ADARB2: variants seen among roughly 807,000 people sequenced by gnomAD.
The protein encoded by ADARB2 is adenosine deaminase RNA specific B2 (inactive).
ADARB2 carries 25 observed loss-of-function variants against 62.2 expected under a neutral mutation model. The observed-to-expected ratio is 0.40, with a 90% CI of 0.29 to 0.56. ADARB2 has a LOEUF of 0.56. Among genes scored for constraint, ADARB2 ranks in the 20% least tolerant of loss-of-function variants. The pLI is 0.43. For synonymous variants in ADARB2, 572 were observed against 500.8 expected (o/e 1.14, Z -1.90); for missense variants, 1,071 against 1,077.4 (o/e 0.99, Z 0.08).
intron 3 of ADARB2, among the ~76,000 whole-genome samples, chr10:1,360,722 C>T (rs1326233231): frequency 1.3e-5 from 2 of 152,186 alleles, no homozygotes; most frequent in Non-Finnish European, 2.9e-5. Flanking sequence ...ATGAATGGCC[C>T]GAAACCCTCG....
At position 1,658,359 on chromosome 10, in the gene ADARB2, CTG is replaced by C. The variant is rs560503127; in HGVS notation, c.100+78690_100+78691del. 2.6e-3 allele frequency among the ~76,000 whole-genome samples: 395 copies of C among 151,416 alleles called. 1 individual carries two copies. Among genetic ancestry groups the C allele is most frequent in the Non-Finnish European group, 3.4e-3 (232 of 67,880 alleles). On this transcript the variant is annotated intron_variant, in intron 1 of 9. Transcript: ENST00000381312. ...TCTCTATCTGATTCTCTGATTCTCT[CTG>C]TTTTTCTCTGTCTCTCTGTGTATCT...
intron 1 of ADARB2, among the ~76,000 whole-genome samples, chr10:1,518,201 G>T (rs1832030496): frequency 6.6e-6 from 1 of 152,206 alleles, no homozygotes; most frequent in South Asian, 2.1e-4. Context: ...TTGGCCGCAT[G>T]AGCTTCGGTC....
At chr10:1,334,368 G>A (rs1246516761) in intron 3 of ADARB2, among the ~76,000 whole-genome samples, 1 of 152,240 alleles carries the variant, frequency 6.6e-6, no homozygotes, top group African/African-American at 2.4e-5. Context: ...GTCTAAAGCT[G>A]TCATTGTGAG....
intron 1 of ADARB2, among the ~76,000 whole-genome samples, chr10:1,388,615 T>C (rs1832543429): frequency 6.6e-6 from 1 of 151,934 alleles, no homozygotes; most frequent in Admixed American, 6.6e-5. Context: ...CAATACTGTT[T>C]GGACAAAAAG....
At chr10:1,233,944 C>G (rs920518145) in intron 5 of ADARB2, 99 bp from the exon 6 acceptor site, 3 of 1,156,326 alleles carry the variant, frequency 2.6e-6, no homozygotes, top group African/African-American at 1.6e-5. Context: ...AGTTGTTCCC[C>G]AAGTTTTCCT....
intron 1 of ADARB2, among the ~76,000 whole-genome samples, chr10:1,683,642 G>A (rs113935107): frequency 5.3e-5 from 8 of 152,298 alleles, no homozygotes; most frequent in East Asian, 1.9e-4. Context: ...GGTAACTGTC[G>A]CCGAGTCAGA....
intron 3 of ADARB2, among the ~76,000 whole-genome samples, chr10:1,351,769 G>A (rs1034563625): frequency 1.1e-4 from 17 of 151,938 alleles, no homozygotes; most frequent in African/African-American, 3.6e-4. Flanking sequence ...GTTATCACTC[G>A]CCTGCTACAG....
chr10:1,563,793 A>C lies in ADARB2; in HGVS notation c.100+173258T>G, dbSNP rs1451220437. Among the ~76,000 whole-genome samples the C allele has an allele frequency of 2.7e-4, 25 of 92,328 alleles. No individual in the cohort carries two copies. The East Asian group carries it at 8.0e-3, about 29-fold the overall frequency. The allele number at this position is 92,328 out of a possible 152,430, so 60.6% of individuals were successfully genotyped here. A position where few individuals can be genotyped will look rare whatever the true frequency, so the allele number is the denominator to read the frequency against. The stretch of plus-strand genomic sequence containing the variant: ...TATCCCTCCCCCCTCCCCCCACCCC[A>C]CAACAGTCCTCAGAGTGTGATGTTC... On this transcript the variant is annotated intron_variant, in intron 1 of 9. Transcript: ENST00000381312.
At chr10:1,304,413 C>T (rs1396879384) in intron 3 of ADARB2, among the ~76,000 whole-genome samples, 108 of 151,362 alleles carry the variant, frequency 7.1e-4, no homozygotes, top group African/African-American at 2.4e-3. Flanking sequence ...TAGACTCCCA[C>T]ACATTAATAA....
intron 3 of ADARB2, among the ~76,000 whole-genome samples, chr10:1,313,743 C>T (rs1831712738): frequency 6.6e-6 from 1 of 152,176 alleles, no homozygotes; most frequent in Non-Finnish European, 1.5e-5. Context: ...CCGAGTTAAT[C>T]GAGGGGCCTT....
At chr10:1,496,081 C>T (rs1283618901) in intron 1 of ADARB2, among the ~76,000 whole-genome samples, 2 of 151,590 alleles carry the variant, frequency 1.3e-5, no homozygotes, top group South Asian at 2.1e-4. Flanking sequence ...CTATTATCAT[C>T]GTCATCACCA....
At chr10:1,528,830 T>C (rs574911282) in intron 1 of ADARB2, among the ~76,000 whole-genome samples, 2 of 152,302 alleles carry the variant, frequency 1.3e-5, no homozygotes, top group Non-Finnish European at 1.5e-5. Flanking sequence ...ATGTGTGGAA[T>C]TGGGATTTTG....
intron 1 of ADARB2, among the ~76,000 whole-genome samples, chr10:1,504,408 G>A (rs527416010): frequency 6.6e-6 from 1 of 152,268 alleles, no homozygotes; most frequent in Non-Finnish European, 1.5e-5. Context: ...AATGCATCTG[G>A]CGCTGGACAT....
chr10:1,584,315 C>T (rs1833145892), intron 1 of ADARB2, among the ~76,000 whole-genome samples: 1 of 151,940 alleles, frequency 6.6e-6, no homozygotes, highest in African/African-American at 2.4e-5. Context: ...AGAAGAGATA[C>T]AGATGGCAAA....
intron 3 of ADARB2, among the ~76,000 whole-genome samples, chr10:1,271,801 C>T (rs529145971): frequency 7.6e-4 from 116 of 152,318 alleles, no homozygotes; most frequent in African/African-American, 2.2e-3. Context: ...CAGCACTGCC[C>T]TTTCCTTGAC....
intron 1 of ADARB2, among the ~76,000 whole-genome samples, chr10:1,559,877 G>A (rs1407780424): frequency 1.3e-5 from 2 of 152,218 alleles, no homozygotes. Context: ...ATCATCGCTA[G>A]AGATGGGCGG....
At chr10:1,722,611 C>A (rs7905452) in intron 1 of ADARB2, among the ~76,000 whole-genome samples, 1 of 152,174 alleles carries the variant, frequency 6.6e-6, no homozygotes, top group Non-Finnish European at 1.5e-5. Flanking sequence ...GTATTTCATT[C>A]CGTTTCTTGG....
chr10:1,430,286 A>G (rs1159529639), intron 1 of ADARB2, among the ~76,000 whole-genome samples: 1 of 152,248 alleles, frequency 6.6e-6, no homozygotes, highest in Non-Finnish European at 1.5e-5. Context: ...AATCCTTAAG[A>G]ATATTCAAGT....
rs764048940 is a variant in ADARB2, at chr10:1,183,026, C to T, written c.*167G>A. 18 of 763,392 alleles carry T rather than the reference C, an allele frequency of 2.4e-5. No homozygotes were observed. The highest frequency in any genetic ancestry group is 8.5e-5 in the Admixed American group (3 of 35,292). 47.3% of individuals were successfully genotyped at this position (763,392 alleles called of 1,614,324 possible). A position where few individuals can be genotyped will look rare whatever the true frequency, so the allele number is the denominator to read the frequency against. ...GGGGCCAGCGATCTGGAAAGAGGCA[C>T]GTTCTGAATTTGTGTTGTTGCTCGT... On this transcript the variant is annotated 3_prime_UTR_variant, in exon 10 of 10. Coordinates refer to ENST00000381312, the MANE Select transcript of ADARB2 (RefSeq NM_018702.4).
Sources: gnomAD v4.1 joint callset for allele counts (sites outside exome capture counted in the v4.1 genomes callset) on GRCh38, gnomAD v4.1.1 for gene constraint, MANE v1.5 for transcripts, NCBI Gene and HGNC (gene_info 2026-07-23, HGNC 2026-07-21) for gene names.